DNAH17: variants seen among roughly 807,000 people sequenced by gnomAD.
DNAH17 encodes the protein axonemal beta dynein heavy chain 17.
Under a neutral mutation model 485.6 loss-of-function variants are expected in DNAH17, and 376 were observed. The ratio of observed to expected loss-of-function variants is 0.77; its 90% CI spans 0.71 to 0.84. DNAH17 has a LOEUF of 0.84. DNAH17 is among the 40% of genes least tolerant of loss of function. The pLI is 0.00. For synonymous variants in DNAH17, 3,031 were observed against 2,405.9 expected (o/e 1.26, Z -7.60); for missense variants, 6,370 against 5,839.3 (o/e 1.09, Z -2.96).
chr17:78,474,214 C>T (rs571145622), intron 54 of DNAH17, among the ~76,000 whole-genome samples: 4 of 152,352 alleles, frequency 2.6e-5, no homozygotes, highest in East Asian at 1.9e-4. Context: ...CCACGTACTG[C>T]GGGAGGGTCC....
chr17:78,532,401 C>T, intron 20 of DNAH17, 81 bp downstream of exon 20: 2 of 1,485,928 alleles, frequency 1.3e-6, no homozygotes, highest in Non-Finnish European at 1.8e-6. Context: ...AACAATTCAC[C>T]CAAGTTTTAA....
chr17:78,529,704 A>G lies in DNAH17; in HGVS notation c.3285-10T>C, dbSNP rs1364160040. 2 of 1,613,246 alleles carry G rather than the reference A, an allele frequency of 1.2e-6. No homozygotes were observed. The highest frequency in any genetic ancestry group is 1.7e-6 in the Non-Finnish European group (2 of 1,179,408). ...TTCCAGGTCAGCCAGGCTAAGGGAC[A>G]AGGGGACCATTTGTGTGGCCCCAGC... On this transcript the variant is annotated splice_polypyrimidine_tract_variant and intron_variant, in intron 21 of 80. Transcript: ENST00000389840.
chr17:78,478,500 T>TCACCACCATCACCCTCAC lies in DNAH17; in HGVS notation c.7992+507_7992+524dup, dbSNP rs1598532478. On this transcript the variant is annotated intron_variant, in intron 51 of 80. Coordinates refer to ENST00000389840, the MANE Select transcript of DNAH17 (RefSeq NM_173628.4). Reference sequence around the variant, plus strand: ...ACCACCATCACTATCACCATCATTATCACCACCATCACCCTCACCACCACC... The same window carrying TCACCACCATCACCCTCAC: ...ACCACCATCACTATCACCATCATTATCACCACCATCACCCTCACCACCACCATCACCCTCACCACCACC... Among the ~76,000 whole-genome samples the TCACCACCATCACCCTCAC allele has an allele frequency of 2.1e-5, 3 of 145,350 alleles. No individual in the cohort carries two copies. In the South Asian group the frequency reaches 6.7e-4, roughly 32 times the overall value.
At chr17:78,447,381 G>C (rs2087354433) in intron 69 of DNAH17, among the ~76,000 whole-genome samples, 1 of 152,186 alleles carries the variant, frequency 6.6e-6, no homozygotes, top group South Asian at 2.1e-4. Context: ...GCTTGTGCAT[G>C]CCGGCCCTCT....
chr17:78,527,052 C>T, intron 22 of DNAH17, 56 bp from the exon 23 acceptor site: 1 of 1,412,270 alleles, frequency 7.1e-7, no homozygotes, highest in Non-Finnish European at 9.6e-7. Context: ...CTTAAACCTT[C>T]TATTGTGAAA....
At chr17:78,564,010 G>A (rs561527876) in intron 11 of DNAH17, among the ~76,000 whole-genome samples, 2 of 152,262 alleles carry the variant, frequency 1.3e-5, no homozygotes, top group East Asian at 3.9e-4. Flanking sequence ...AGCCCCTCTT[G>A]ACCCTAACAG....
chr17:78,429,360 A>G (rs1190447346), intron 75 of DNAH17, 60 bp from the exon 76 acceptor site: 1 of 1,559,844 alleles, frequency 6.4e-7, no homozygotes, highest in Admixed American at 1.8e-5. Flanking sequence ...CTGCCATGAG[A>G]GGGTCAGGCT....
In DNAH17 at chr17:78,450,340, G is replaced by A. The variant is rs749125075; in HGVS notation, c.10954C>T (p.Arg3652Cys). Reference protein sequence around the residue: ...VKINEARENYRPAAERASLLY... With the variant: ...VKINEARENYCPAAERASLLY... ...AGAGATGCCCTCTCCGCAGCCGGGC[G>A]GTAGTTCTCTCTCGCTTCGTTGATT... Residue 3652 changes from arginine to cysteine, a missense_variant, in exon 68 of 81, where the codon CGC becomes TGC. Coordinates refer to ENST00000389840, the MANE Select transcript of DNAH17 (RefSeq NM_173628.4). The A allele has an allele frequency of 1.6e-5, 26 of 1,613,880 alleles. No individual in the cohort carries two copies. The highest frequency in any genetic ancestry group is 4.4e-5 in the South Asian group (4 of 91,086).
At chr17:78,500,097 C>A in intron 36 of DNAH17, 1 of 554,604 alleles carries the variant, frequency 1.8e-6, no homozygotes, top group South Asian at 2.3e-5. Context: ...ACATTTGGGG[C>A]TGCGTCTGTC....
At chr17:78,536,576 G>A (rs897748797) in intron 19 of DNAH17, among the ~76,000 whole-genome samples, 1 of 152,136 alleles carries the variant, frequency 6.6e-6, no homozygotes, top group Non-Finnish European at 1.5e-5. Context: ...AGCTACTTGG[G>A]AGACTGAGGC....
chr17:78,536,893 G>C (rs762817466), intron 19 of DNAH17, among the ~76,000 whole-genome samples: 13 of 151,838 alleles, frequency 8.6e-5, no homozygotes, highest in Non-Finnish European at 1.6e-4. Context: ...AAGGTAAGCA[G>C]GGCCGGGCGC....
At chr17:78,439,287 C>T (rs1018495506) in intron 72 of DNAH17, 70 bp from the exon 73 acceptor site, 13 of 1,499,906 alleles carry the variant, frequency 8.7e-6, no homozygotes, top group East Asian at 2.3e-5. Flanking sequence ...CTGTGATCTA[C>T]AGCCAGGAAT....
chr17:78,569,371 G>A lies in DNAH17; in HGVS notation c.1197+4C>T, dbSNP rs1407515666. On this transcript the variant is annotated splice_donor_region_variant and intron_variant, in intron 8 of 80. Coordinates refer to ENST00000389840, the MANE Select transcript of DNAH17 (RefSeq NM_173628.4). ...TTGGCCCTCGCCCTGCGAGGAAGGGGTACCTTAAAGAAAAGCTTCATGTTC... is the reference window on the plus strand; with the variant it reads ...TTGGCCCTCGCCCTGCGAGGAAGGGATACCTTAAAGAAAAGCTTCATGTTC... 2 of 1,612,834 alleles carry A rather than the reference G, an allele frequency of 1.2e-6. No homozygotes were observed. The highest frequency in any genetic ancestry group is 1.7e-6 in the Non-Finnish European group (2 of 1,179,362).
At chr17:78,561,159 C>T (rs1395960186) in intron 12 of DNAH17, among the ~76,000 whole-genome samples, 1 of 152,114 alleles carries the variant, frequency 6.6e-6, no homozygotes, top group Admixed American at 6.6e-5. Flanking sequence ...AAAATAGAAC[C>T]CACGCAGCAA....
intron 48 of DNAH17, 126 bp downstream of exon 48, chr17:78,484,742 C>CCCCTG: frequency 9.3e-6 from 3 of 322,912 alleles, no homozygotes; most frequent in Admixed American, 6.1e-5. Context: ...TTGCAGCACC[C>CCCCTG]CCCCCACCGC....
chr17:78,495,520 C>T (rs2090038848), intron 38 of DNAH17, among the ~76,000 whole-genome samples: 1 of 151,668 alleles, frequency 6.6e-6, no homozygotes, highest in South Asian at 2.1e-4. Context: ...TCACTGCAAC[C>T]TCCGCCTCCC....
rs1357286974 is a variant in DNAH17 at position 78,480,777 on chromosome 17, T to C, written c.7659A>G (p.Arg2553=). The C allele has an allele frequency of 6.2e-7, 1 of 1,612,628 alleles. No individual in the cohort carries two copies. ...QHMDHRHWYD[R]HKLTLKDIHN... ...GGATATCTTTTAACGTCAGCTTATGTCTGTCATACCTGAGGGGGGAAACCA... is the reference window on the plus strand; with the variant it reads ...GGATATCTTTTAACGTCAGCTTATGCCTGTCATACCTGAGGGGGGAAACCA... The change falls in exon 49 of 81, where the codon AGA becomes AGG. Residue 2553 remains arginine (R), a synonymous_variant. Coordinates refer to ENST00000389840, the MANE Select transcript of DNAH17 (RefSeq NM_173628.4).
chr17:78,543,786 C>A, intron 17 of DNAH17, 71 bp downstream of exon 17: 1 of 1,603,490 alleles, frequency 6.2e-7, no homozygotes. Context: ...AAATCTCCAG[C>A]CCTGGGTTTA....
chr17:78,524,772 A>G (rs1489780264), intron 25 of DNAH17, among the ~76,000 whole-genome samples: 1 of 151,628 alleles, frequency 6.6e-6, no homozygotes, highest in Admixed American at 6.6e-5. Context: ...GAAAAAAGAA[A>G]GGGGGGCAGT....
Sources: allele counts gnomAD v4.1 joint callset (sites outside exome capture counted in the v4.1 genomes callset), GRCh38; gene constraint gnomAD v4.1.1; transcripts MANE v1.5; gene names NCBI Gene and HGNC (gene_info 2026-07-23, HGNC 2026-07-21).